PRKAG2: variants seen among roughly 807,000 people sequenced by gnomAD.
PRKAG2 encodes protein kinase AMP-activated non-catalytic subunit gamma 2, also known as 5'-AMP-activated protein kinase subunit gamma-2.
A neutral mutation model predicts 69.6 loss-of-function variants in PRKAG2; 26 were observed. That is an observed-to-expected ratio of 0.37 (90% CI 0.27 to 0.52). The LOEUF (loss-of-function observed/expected upper bound fraction) is 0.52, where lower values mean the gene tolerates loss of function less well. Among genes scored for constraint, PRKAG2 ranks in the 20% least tolerant of loss-of-function variants. PRKAG2 has a pLI of 0.90. For synonymous variants in PRKAG2, 293 were observed against 285.0 expected, an observed-to-expected ratio of 1.03 and a Z score of -0.28; for missense variants, 557 against 740.0, an observed-to-expected ratio of 0.75 and a Z score of 2.87.
chr7:151,870,705 G>T (rs907588603), intron 1 of PRKAG2, among the ~76,000 whole-genome samples: 3 of 152,210 alleles, frequency 2.0e-5, no homozygotes, highest in Non-Finnish European at 4.4e-5. Context: ...CCGGATAGAG[G>T]CTATGGGGCA....
chr7:151,564,044 C>T (rs2150988292), intron 14 of PRKAG2, 34 bp downstream of exon 14: 9 of 1,613,214 alleles, frequency 5.6e-6, no homozygotes, highest in East Asian at 4.5e-5. Context: ...TTGCAGTGGA[C>T]GTCGGGGGAG....
chr7:151,579,758 C>T (rs186850050), intron 6 of PRKAG2, among the ~76,000 whole-genome samples: 77 of 152,104 alleles, frequency 5.1e-4, no homozygotes, highest in African/African-American at 1.4e-3. Flanking sequence ...CACCTAAGCA[C>T]GTCATAGACA....
chr7:151,599,208 C>T (rs1815390848), intron 5 of PRKAG2, among the ~76,000 whole-genome samples: 1 of 152,110 alleles, frequency 6.6e-6, no homozygotes, highest in African/African-American at 2.4e-5. Context: ...TGATAGCACA[C>T]TGATAAGGAA....
chr7:151,773,714 C>G (rs2076198975), intron 3 of PRKAG2, among the ~76,000 whole-genome samples: 1 of 152,150 alleles, frequency 6.6e-6, no homozygotes, highest in African/African-American at 2.4e-5. Context: ...AGTTCATGAA[C>G]ACACAGACAT....
chr7:151,579,838 G>T (rs2151061187), intron 6 of PRKAG2, among the ~76,000 whole-genome samples: 1 of 152,228 alleles, frequency 6.6e-6, no homozygotes, highest in Middle Eastern at 3.4e-3. Context: ...TTTCAAAAGG[G>T]TAACAAGCAG....
At chr7:151,849,933 G>A (rs868511573) in intron 1 of PRKAG2, among the ~76,000 whole-genome samples, 2 of 152,150 alleles carry the variant, frequency 1.3e-5, no homozygotes, top group African/African-American at 2.4e-5. Flanking sequence ...AATTCAATCC[G>A]TGCCACTTGT....
chr7:151,563,657 G>A (rs1446788732), intron 14 of PRKAG2, among the ~76,000 whole-genome samples: 1 of 152,186 alleles, frequency 6.6e-6, no homozygotes, highest in Non-Finnish European at 1.5e-5. Flanking sequence ...ACAGCTCACT[G>A]AAATATCAAG....
intron 3 of PRKAG2, among the ~76,000 whole-genome samples, chr7:151,708,381 C>T (rs1204709737): frequency 6.6e-6 from 1 of 152,192 alleles, no homozygotes; most frequent in Non-Finnish European, 1.5e-5. Context: ...CCCTCAAACC[C>T]CCATGCCAAC....
At chr7:151,787,039 A>C (rs2151817489) in intron 1 of PRKAG2, among the ~76,000 whole-genome samples, 1 of 152,324 alleles carries the variant, frequency 6.6e-6, no homozygotes, top group South Asian at 2.1e-4. Flanking sequence ...AGTCTAAAAT[A>C]GATTTGGGGA....
chr7:151,757,357 T>C (rs911079417), intron 3 of PRKAG2, among the ~76,000 whole-genome samples: 10 of 152,176 alleles, frequency 6.6e-5, no homozygotes, highest in African/African-American at 2.4e-4. Context: ...TTTTACAAGT[T>C]AAATAAACTT....
intron 3 of PRKAG2, among the ~76,000 whole-genome samples, chr7:151,733,758 G>A (rs1293783204): frequency 6.6e-6 from 1 of 150,910 alleles, no homozygotes; most frequent in Non-Finnish European, 1.5e-5. Flanking sequence ...GTACAGTGAT[G>A]TGATCAGAGA....
chr7:151,835,532 CT>C lies in PRKAG2; in HGVS notation c.114+40974del, dbSNP rs1052289675. ...TTCAGAAATTGCTCTTGTCTGCCTGCTTACCCTTCCGAGGCATCTAACAGCA... is the reference window on the plus strand; with the variant it reads ...TTCAGAAATTGCTCTTGTCTGCCTGCTACCCTTCCGAGGCATCTAACAGCA... On this transcript the variant is annotated intron_variant, in intron 1 of 15. Coordinates refer to ENST00000287878, the MANE Select transcript of PRKAG2 (RefSeq NM_016203.4). The surrounding 1 kb of genome is among the most constrained non-coding windows in gnomAD (Gnocchi z 4.1). Among the ~76,000 whole-genome samples, 2 of 152,112 alleles carry C rather than the reference CT, an allele frequency of 1.3e-5. No homozygotes were observed. The highest frequency in any genetic ancestry group is 4.8e-5 in the African/African-American group (2 of 41,436).
chr7:151,741,232 A>G (rs970931920), intron 3 of PRKAG2, among the ~76,000 whole-genome samples: 1 of 150,896 alleles, frequency 6.6e-6, no homozygotes, highest in Non-Finnish European at 1.5e-5. Flanking sequence ...AATAAAACAA[A>G]ATAAAATAAA....
At chr7:151,680,289 G>A (rs75225558) in intron 3 of PRKAG2, among the ~76,000 whole-genome samples, 6 of 152,138 alleles carry the variant, frequency 3.9e-5, no homozygotes, top group Admixed American at 3.9e-4. Flanking sequence ...TTTAAAAGCA[G>A]AGCCTGGAGA....
intron 1 of PRKAG2, among the ~76,000 whole-genome samples, chr7:151,800,371 A>AAG (rs1554604639): frequency 4.6e-5 from 7 of 151,268 alleles, no homozygotes; most frequent in Admixed American, 1.3e-4. Context: ...AAAAAAAAAA[A>AAG]AAAGAAAGTC....
intron 3 of PRKAG2, among the ~76,000 whole-genome samples, chr7:151,682,879 G>A (rs1321534605): frequency 6.6e-6 from 1 of 152,186 alleles, no homozygotes; most frequent in Non-Finnish European, 1.5e-5. Context: ...GATCCTGGAG[G>A]AGGACACAGG....
chr7:151,773,471 T>C (rs564636087), intron 3 of PRKAG2, among the ~76,000 whole-genome samples: 13 of 152,198 alleles, frequency 8.5e-5, no homozygotes, highest in African/African-American at 2.7e-4. Context: ...TGTGTGGCCT[T>C]TGTTCCACAA....
In PRKAG2 at chr7:151,632,640, G is replaced by A. The variant is rs1009259109; in HGVS notation, c.685-502C>T. On this transcript the variant is annotated intron_variant, in intron 4 of 15. Transcript: ENST00000287878. This position sits in a 1 kb window ranked among gnomAD's most constrained non-coding sequence, Gnocchi z 4.2. ...GGTGTGGGCTCCGCGGCGCGGGGAG[G>A]GGGAGAGGGGCTGGAGGCTGCAGAA... 5 of 982,962 alleles carry A rather than the reference G, an allele frequency of 5.1e-6. No individual in the cohort carries two copies. Among genetic ancestry groups the A allele is most frequent in the Non-Finnish European group, 6.0e-6 (5 of 827,986 alleles). 60.9% of individuals were successfully genotyped at this position (982,962 alleles called of 1,614,324 possible). A position where few individuals can be genotyped will look rare whatever the true frequency, so the allele number is the denominator to read the frequency against.
chr7:151,824,934 C>T (rs559050429), intron 1 of PRKAG2, among the ~76,000 whole-genome samples: 40 of 152,250 alleles, frequency 2.6e-4, no homozygotes, highest in Non-Finnish European at 1.9e-4. Context: ...GTCATCTAGG[C>T]GGGGCACGGT....
Sources: allele counts gnomAD v4.1 joint callset (sites outside exome capture counted in the v4.1 genomes callset), GRCh38; gene constraint gnomAD v4.1.1; non-coding constraint Gnocchi (gnomAD v3.1); transcripts MANE v1.5; gene names NCBI Gene and HGNC (gene_info 2026-07-23, HGNC 2026-07-21).